PHACTR2: variants seen among roughly 807,000 people sequenced by gnomAD.
PHACTR2 encodes the protein phosphatase and actin regulator 2, also known as chromosome 6 open reading frame 56.
PHACTR2 carries 30 observed loss-of-function variants against 76.0 expected under a neutral mutation model. The observed-to-expected ratio is 0.39, with a 90% CI of 0.30 to 0.54. The LOEUF (loss-of-function observed/expected upper bound fraction) is 0.54, where lower values mean the gene tolerates loss of function less well. PHACTR2 is among the 20% of genes least tolerant of loss of function. The pLI, the probability that PHACTR2 is intolerant of heterozygous loss-of-function variation, is 0.61. For missense variants in PHACTR2, 696 were observed against 781.1 expected, an observed-to-expected ratio of 0.89 and a Z score of 1.30; for synonymous variants, 292 against 292.5, an observed-to-expected ratio of 1.00 and a Z score of 0.02.
In PHACTR2 at chr6:143,652,137, G is replaced by A. The variant is rs1008953015; in HGVS notation, c.13+43815G>A. 2.0e-5 allele frequency among the ~76,000 whole-genome samples: 3 copies of A among 151,384 alleles called. No individual in the cohort carries two copies. The highest frequency in any genetic ancestry group is 1.9e-4 in the East Asian group (1 of 5,188). Reference sequence around the variant, plus strand: ...ACTAAAAATGATGGCGGTGATGGGGGAACCGTTTACTAGGTACAACCACAA... The same window carrying A: ...ACTAAAAATGATGGCGGTGATGGGGAAACCGTTTACTAGGTACAACCACAA... On this transcript the variant is annotated intron_variant, in intron 1 of 11. Coordinates refer to the PHACTR2 transcript ENST00000305766. This position sits in a 1 kb window ranked among gnomAD's most constrained non-coding sequence, Gnocchi z 4.5.
At chr6:143,626,199 C>T (rs1210188634) in intron 1 of PHACTR2, among the ~76,000 whole-genome samples, 9 of 152,082 alleles carry the variant, frequency 5.9e-5, no homozygotes, top group African/African-American at 1.7e-4. Context: ...ACCGACTATC[C>T]CTTACCCCTG....
At chr6:143,729,087 A>G (rs1420804976) in intron 2 of PHACTR2, among the ~76,000 whole-genome samples, 5 of 152,226 alleles carry the variant, frequency 3.3e-5, no homozygotes, top group Non-Finnish European at 1.5e-5. Flanking sequence ...TTTGCAAAAT[A>G]TTCATCCAAC....
rs1775959264 is a variant in PHACTR2, at chr6:143,610,522, T to C, written c.13+2200T>C. On this transcript the variant is annotated intron_variant, in intron 1 of 11. Coordinates refer to the PHACTR2 transcript ENST00000305766. This position sits in a 1 kb window ranked among gnomAD's most constrained non-coding sequence, Gnocchi z 4.9. ...GCTTTCTGTGTGGGAGTTTGGATAA[T>C]TGACAGGCAGAAGCACAGCAATGGG... Among the ~76,000 whole-genome samples the C allele has an allele frequency of 6.6e-6, 1 of 152,176 alleles. No homozygotes were observed. The highest frequency in any genetic ancestry group is 2.1e-4 in the South Asian group (1 of 4,822).
chr6:143,787,502 G>C lies in PHACTR2; in HGVS notation c.1708-1271G>C, dbSNP rs750836047. Among the ~76,000 whole-genome samples the C allele has an allele frequency of 9.2e-5, 14 of 152,206 alleles. No individual in the cohort carries two copies. The highest frequency in any genetic ancestry group is 1.6e-4 in the Non-Finnish European group (11 of 68,024). On this transcript the variant is annotated intron_variant, in intron 10 of 12. Coordinates refer to ENST00000440869, the MANE Select transcript of PHACTR2 (RefSeq NM_001100164.2). The surrounding 1 kb of genome is among the most constrained non-coding windows in gnomAD (Gnocchi z 4.6). Reference sequence around the variant, plus strand: ...CCAGTGGGCTCAGGGTATGGGCCTAGGCCTTCTAAAAGTCCTTGAGTGCTT... The same window carrying C: ...CCAGTGGGCTCAGGGTATGGGCCTACGCCTTCTAAAAGTCCTTGAGTGCTT...
intron 5 of PHACTR2, among the ~76,000 whole-genome samples, chr6:143,763,904 G>C (rs973289576): frequency 6.6e-6 from 1 of 152,168 alleles, no homozygotes; most frequent in African/African-American, 2.4e-5. Context: ...AACCCTTCAT[G>C]AAGAGAAGGA....
intron 1 of PHACTR2, among the ~76,000 whole-genome samples, chr6:143,667,184 T>C (rs1203397947): frequency 6.6e-6 from 1 of 152,176 alleles, no homozygotes; most frequent in Admixed American, 6.5e-5. Context: ...GATCAGATAG[T>C]TGTAGATGTG....
rs1391713338 is a variant in PHACTR2, at chr6:143,633,976, A to T, written c.13+25654A>T. Among the ~76,000 whole-genome samples the T allele has an allele frequency of 6.6e-6, 1 of 152,218 alleles. No individual in the cohort carries two copies. Among genetic ancestry groups the T allele is most frequent in the African/African-American group, 2.4e-5 (1 of 41,454 alleles). On this transcript the variant is annotated intron_variant, in intron 1 of 11. Transcript: ENST00000305766. This position sits in a 1 kb window ranked among gnomAD's most constrained non-coding sequence, Gnocchi z 4.1. ...AAGGCAGTATCATAAAATGACTATG[A>T]TAATTATATTTTATCCTACTTTTAC... is the stretch of plus-strand genomic sequence containing the variant.
rs528336375 is a variant in PHACTR2 at position 143,792,473 on chromosome 6, T to G, written c.1845+3563T>G. Among the ~76,000 whole-genome samples, 34 of 152,260 alleles carry G rather than the reference T, an allele frequency of 2.2e-4. No homozygotes were observed. In the East Asian group the frequency reaches 5.8e-3, roughly 26 times the overall value. The stretch of plus-strand genomic sequence containing the variant: ...TCATTTAGTGGCTCCTAGTTGACCC[T>G]GCTCTAGTCACTGTTTCTGTGCAGT... On this transcript the variant is annotated intron_variant, in intron 11 of 12. Transcript: ENST00000440869.
At chr6:143,701,394 C>A (rs1023056057) in intron 1 of PHACTR2, among the ~76,000 whole-genome samples, 8 of 152,140 alleles carry the variant, frequency 5.3e-5, no homozygotes, top group African/African-American at 1.9e-4. Flanking sequence ...TTACTTTAGT[C>A]AGTATAAAGT....
In PHACTR2 at chr6:143,783,522, G is replaced by A. The variant is rs1004786316; in HGVS notation, c.1707+242G>A. Among the ~76,000 whole-genome samples, 3 of 152,178 alleles carry A rather than the reference G, an allele frequency of 2.0e-5. No homozygotes were observed. The highest frequency in any genetic ancestry group is 4.4e-5 in the Non-Finnish European group (3 of 68,040). On this transcript the variant is annotated intron_variant, in intron 10 of 12. Transcript: ENST00000440869. This position sits in a 1 kb window ranked among gnomAD's most constrained non-coding sequence, Gnocchi z 5.2. Reference sequence around the variant, plus strand: ...TAGTTCCAGCTACTCAGGAGGCTGAGGTGGGAAGATTGCTTCAGCCTGGGA... The same window carrying A: ...TAGTTCCAGCTACTCAGGAGGCTGAAGTGGGAAGATTGCTTCAGCCTGGGA...
intron 2 of PHACTR2, among the ~76,000 whole-genome samples, chr6:143,713,369 A>G (rs539658416): frequency 1.2e-4 from 19 of 152,318 alleles, no homozygotes; most frequent in African/African-American, 3.8e-4. Context: ...AAGACTGGCA[A>G]TGGGTTGTTC....
rs1776240441 is a variant in PHACTR2, at chr6:143,625,462, T to C, written c.13+17140T>C. On this transcript the variant is annotated intron_variant, in intron 1 of 11. Transcript: ENST00000305766. The surrounding 1 kb of genome is among the most constrained non-coding windows in gnomAD (Gnocchi z 4.3). ...TAACTTAAGCCACATACCGTGAAAA[T>C]AAACTACTCACAACATCAAAAAGGA... is the stretch of plus-strand genomic sequence containing the variant. 6.6e-6 allele frequency among the ~76,000 whole-genome samples: 1 copy of C among 152,146 alleles called. No individual in the cohort carries two copies. Among genetic ancestry groups the C allele is most frequent in the Non-Finnish European group, 1.5e-5 (1 of 68,024 alleles).
chr6:143,648,890 TTGTG>T lies in PHACTR2; in HGVS notation c.13+40582_13+40585del, dbSNP rs66791386. ...TCTATGCATATGTGTCTATGTATGT[TTGTG>T]TGTGTGTGTGTGTCTGTCTGGGTCT... On this transcript the variant is annotated intron_variant, in intron 1 of 11. Coordinates refer to the PHACTR2 transcript ENST00000305766. This position sits in a 1 kb window ranked among gnomAD's most constrained non-coding sequence, Gnocchi z 6.7. Among the ~76,000 whole-genome samples, 9 of 150,280 alleles carry T rather than the reference TTGTG, an allele frequency of 6.0e-5. No homozygotes were observed. Among genetic ancestry groups the T allele is most frequent in the Non-Finnish European group, 1.2e-4 (8 of 67,438 alleles).
Position 143,598,849 on chromosome 6 carries a change from G to A in PHACTR2, c.217+61642G>A, listed in dbSNP as rs544702142. ...AAAGACTAGCTAAGTGTTTGCTGTG[G>A]TCCTAACAAGTCCACCTAGAGCCAT... On this transcript the variant is annotated intron_variant, in intron 1 of 11. Coordinates refer to the PHACTR2 transcript ENST00000367584. The surrounding 1 kb of genome is among the most constrained non-coding windows in gnomAD (Gnocchi z 4.1). 6.6e-6 allele frequency among the ~76,000 whole-genome samples: 1 copy of A among 152,146 alleles called. No individual in the cohort carries two copies. Among genetic ancestry groups the A allele is most frequent in the African/African-American group, 2.4e-5 (1 of 41,442 alleles).
At position 143,654,108 on chromosome 6, in the gene PHACTR2, G is replaced by C. The variant is rs13199178; in HGVS notation, c.13+45786G>C. Among the ~76,000 whole-genome samples, 23,867 of 152,206 alleles carry C rather than the reference G, an allele frequency of 0.16. 2,212 individuals carry two copies. Among genetic ancestry groups the C allele is most frequent in the Middle Eastern group, 0.26 (76 of 292 alleles). ...CAGATATCTAATAAACACATGAAAA[G>C]ATGCTCAGCATCATTAACCATCAGG... On this transcript the variant is annotated intron_variant, in intron 1 of 11. Transcript: ENST00000305766. This position sits in a 1 kb window ranked among gnomAD's most constrained non-coding sequence, Gnocchi z 4.6.
At chr6:143,638,236 G>A (rs1254271146) in intron 1 of PHACTR2, among the ~76,000 whole-genome samples, 1 of 152,130 alleles carries the variant, frequency 6.6e-6, no homozygotes, top group Admixed American at 6.6e-5. Flanking sequence ...TGATCGCTAT[G>A]GCTTAAAAAG....
Position 143,743,174 on chromosome 6 carries a change from G to A in PHACTR2, c.215-5811G>A, listed in dbSNP as rs964428783. Among the ~76,000 whole-genome samples, 1 of 152,186 alleles carries A rather than the reference G, an allele frequency of 6.6e-6. No homozygotes were observed. Among genetic ancestry groups the A allele is most frequent in the Non-Finnish European group, 1.5e-5 (1 of 68,030 alleles). ...TAACATTTTAGGGTAGATTTCACCC[G>A]AGAGGGATAGGGAAACAGTCTAAAT... On this transcript the variant is annotated intron_variant, in intron 2 of 12. Transcript: ENST00000440869. The surrounding 1 kb of genome is among the most constrained non-coding windows in gnomAD (Gnocchi z 5.0).
chr6:143,678,837 G>A lies in PHACTR2; in HGVS notation c.46+628G>A, dbSNP rs1777317938. On this transcript the variant is annotated intron_variant, in intron 1 of 12. Coordinates refer to ENST00000440869, the MANE Select transcript of PHACTR2 (RefSeq NM_001100164.2). This position sits in a 1 kb window ranked among gnomAD's most constrained non-coding sequence, Gnocchi z 6.2. ...TTAGTTTTATGGAGACGTGTGTAACGTGTCTGAGTTCTAATGCTCTGTTTT... is the reference window on the plus strand; with the variant it reads ...TTAGTTTTATGGAGACGTGTGTAACATGTCTGAGTTCTAATGCTCTGTTTT... Among the ~76,000 whole-genome samples the A allele has an allele frequency of 6.6e-6, 1 of 151,984 alleles. No individual in the cohort carries two copies. Among genetic ancestry groups the A allele is most frequent in the Non-Finnish European group, 1.5e-5 (1 of 68,006 alleles).
In PHACTR2 at chr6:143,678,650, G is replaced by T. The variant is rs936529156; in HGVS notation, c.46+441G>T. Among the ~76,000 whole-genome samples, 1 of 152,228 alleles carries T rather than the reference G, an allele frequency of 6.6e-6. No individual in the cohort carries two copies. The highest frequency in any genetic ancestry group is 1.5e-5 in the Non-Finnish European group (1 of 68,032). ...ACTGATTTATGGTTTGTTATTCGGA[G>T]TAGAAGCGCTGATCGCCTTATCCTG... On this transcript the variant is annotated intron_variant, in intron 1 of 12. Coordinates refer to ENST00000440869, the MANE Select transcript of PHACTR2 (RefSeq NM_001100164.2). This position sits in a 1 kb window ranked among gnomAD's most constrained non-coding sequence, Gnocchi z 6.2.
Sources: allele counts gnomAD v4.1 joint callset (sites outside exome capture counted in the v4.1 genomes callset), GRCh38; gene constraint gnomAD v4.1.1; non-coding constraint Gnocchi (gnomAD v3.1); transcripts MANE v1.5; gene names NCBI Gene and HGNC (gene_info 2026-07-23, HGNC 2026-07-21).